The following SYNJ1 variants were observed in gnomAD, a reference collection of about 807,000 sequenced individuals.
SYNJ1 encodes polyphosphatidylinositol phosphatase SYNJ1.
Under a neutral mutation model 168.2 loss-of-function variants are expected in SYNJ1, and 78 were observed. The observed-to-expected ratio is 0.46, with a 90% confidence interval of 0.39 to 0.56. The LOEUF is 0.56. Among genes scored for constraint, SYNJ1 ranks in the 20% least tolerant of loss-of-function variants. The pLI, the probability that SYNJ1 is intolerant of heterozygous loss-of-function variation, is 0.00. For missense variants in SYNJ1, 1,303 were observed against 1,597.6 expected (o/e 0.82, Z 3.14); for synonymous variants, 539 against 548.6 (o/e 0.98, Z 0.24).
chr21:32,636,621 T>A (rs75216839), intron 31 of SYNJ1, among the ~76,000 whole-genome samples: 13 of 152,108 alleles, frequency 8.5e-5, no homozygotes, highest in Non-Finnish European at 1.8e-4. Context: ...AAATTTTTTT[T>A]ATTATTTTTA....
At chr21:32,651,725 AT>A (rs1193499561) in intron 22 of SYNJ1, among the ~76,000 whole-genome samples, 3 of 152,248 alleles carry the variant, frequency 2.0e-5, no homozygotes, top group Admixed American at 1.3e-4. Context: ...GACCAAAAAA[AT>A]ATTCAAAAAG....
chr21:32,709,146 T>A (rs2042723924), intron 2 of SYNJ1, among the ~76,000 whole-genome samples: 2 of 152,170 alleles, frequency 1.3e-5, no homozygotes, highest in African/African-American at 4.8e-5. Context: ...AATTCACCCA[T>A]GGATCCAACA....
chr21:32,631,131 G>T lies in SYNJ1; in HGVS notation c.*674C>A. 1 of 1,614,198 alleles carries T rather than the reference G, an allele frequency of 6.2e-7. No homozygotes were observed. The highest frequency in any genetic ancestry group is 8.5e-7 in the Non-Finnish European group (1 of 1,180,036). ...TCTTCTTGACGGCAACACACAGAAG[G>T]AGACATTTGTACCTTTATTCCAGTC... On this transcript the variant is annotated 3_prime_UTR_variant, in exon 33 of 33. Coordinates refer to ENST00000674351, the MANE Select transcript of SYNJ1 (RefSeq NM_203446.3).
chr21:32,670,447 C>G, intron 14 of SYNJ1, 75 bp from the exon 15 acceptor site: 1 of 1,093,144 alleles, frequency 9.1e-7, no homozygotes. Flanking sequence ...CACAACATAA[C>G]ACCAGGTCTC....
At chr21:32,681,386 A>G (rs575217035) in intron 11 of SYNJ1, 110 bp downstream of exon 11, 20 of 1,253,860 alleles carry the variant, frequency 1.6e-5, no homozygotes, top group South Asian at 3.5e-5. Context: ...GAATTCTAAG[A>G]CACATCTATT....
intron 11 of SYNJ1, among the ~76,000 whole-genome samples, chr21:32,679,363 G>A (rs1476377252): frequency 2.0e-5 from 3 of 152,106 alleles, no homozygotes; most frequent in Admixed American, 6.5e-5. Flanking sequence ...GTTCATAAAC[G>A]AATATTACAT....
intron 23 of SYNJ1, among the ~76,000 whole-genome samples, chr21:32,647,402 G>A (rs1295108271): frequency 6.6e-6 from 1 of 152,134 alleles, no homozygotes; most frequent in African/African-American, 2.4e-5. Flanking sequence ...TGGACAACTC[G>A]TTCAATAGCA....
chr21:32,708,290 C>T (rs1157391094), intron 2 of SYNJ1, among the ~76,000 whole-genome samples: 1 of 152,152 alleles, frequency 6.6e-6, no homozygotes, highest in African/African-American at 2.4e-5. Context: ...TCGGAAGATA[C>T]CGTGTTAGGG....
chr21:32,697,922 G>A (rs61465011), intron 4 of SYNJ1, among the ~76,000 whole-genome samples: 2,079 of 152,138 alleles, frequency 0.014, 45 homozygotes, highest in African/African-American at 0.047. Context: ...AGAAACTTTG[G>A]GTAAAAATGA....
chr21:32,711,006 A>G (rs2042809768), intron 2 of SYNJ1, among the ~76,000 whole-genome samples: 1 of 152,202 alleles, frequency 6.6e-6, no homozygotes, highest in Admixed American at 6.5e-5. Context: ...GAAATATTTA[A>G]AACTATATAA....
rs1405044026 is a variant in SYNJ1 at position 32,678,754 on chromosome 21, G to C, written c.1401C>G (p.Phe467Leu). The C allele has an allele frequency of 2.5e-6, 4 of 1,613,424 alleles. No individual in the cohort carries two copies. The South Asian group carries it at 4.4e-5, about 18-fold the overall frequency. The change falls in exon 12 of 33, where the codon TTC becomes TTG. Residue 467 changes from phenylalanine to leucine, a missense_variant. Physicochemically the swap from Phe to Leu is conservative, Grantham distance 22. Coordinates refer to ENST00000674351, the MANE Select transcript of SYNJ1 (RefSeq NM_203446.3). ...TGGCCTCTTGCTTGGAGCTGTCAAAGAAGTTATTCTGAATTGTTCGGGTAA... is the reference window on the plus strand; with the variant it reads ...TGGCCTCTTGCTTGGAGCTGTCAAACAAGTTATTCTGAATTGTTCGGGTAA... ...RSVTRTIQNN[F>L]FDSSKQEAID... is the part of the protein sequence containing the mutation.
At chr21:32,649,861 TGCCTCAGCCTCCTGAGTAGCTGG>T (rs1410922508) in intron 23 of SYNJ1, among the ~76,000 whole-genome samples, 1 of 152,178 alleles carries the variant, frequency 6.6e-6, no homozygotes, top group Non-Finnish European at 1.5e-5. Context: ...GCGATTCTCC[TGCCTCAGCCTCCTGAGTAGCTGG>T]GATTACAGGC....
chr21:32,712,955 T>C (rs1242561167), intron 2 of SYNJ1, among the ~76,000 whole-genome samples: 2 of 152,214 alleles, frequency 1.3e-5, no homozygotes, highest in Admixed American at 1.3e-4. Flanking sequence ...TGTGTACATA[T>C]ATGTACCAAA....
At chr21:32,639,567 G>T in intron 30 of SYNJ1, 104 bp downstream of exon 30, 2 of 915,706 alleles carry the variant, frequency 2.2e-6, no homozygotes, top group Non-Finnish European at 3.4e-6. Context: ...AATTTTAAGA[G>T]TTTTTAATTT....
intron 4 of SYNJ1, among the ~76,000 whole-genome samples, chr21:32,695,910 G>A (rs888155165): frequency 4.0e-5 from 6 of 151,526 alleles, no homozygotes; most frequent in Non-Finnish European, 8.8e-5. Flanking sequence ...GCAGTGGCGG[G>A]ATCTTGGCTC....
intron 6 of SYNJ1, among the ~76,000 whole-genome samples, chr21:32,691,593 A>G (rs185656093): frequency 2.6e-5 from 4 of 152,370 alleles, no homozygotes; most frequent in African/African-American, 7.2e-5. Flanking sequence ...AAAGGAAATC[A>G]TAAGTAAAAG....
chr21:32,690,026 T>A (rs932733656), intron 6 of SYNJ1, among the ~76,000 whole-genome samples: 6 of 152,222 alleles, frequency 3.9e-5, no homozygotes, highest in Non-Finnish European at 5.9e-5. Flanking sequence ...GCATTTTTGT[T>A]TACTGATTAA....
intron 12 of SYNJ1, among the ~76,000 whole-genome samples, chr21:32,677,259 A>G (rs537869169): frequency 6.6e-6 from 1 of 152,098 alleles, no homozygotes; most frequent in Non-Finnish European, 1.5e-5. Flanking sequence ...TGCTGGGTGC[A>G]CTTTTCTGCA....
At chr21:32,695,836 G>GT (rs2042188132) in intron 4 of SYNJ1, among the ~76,000 whole-genome samples, 7 of 138,304 alleles carry the variant, frequency 5.1e-5, no homozygotes, top group South Asian at 2.3e-4. Flanking sequence ...CTAATTTTTT[G>GT]TTTTGTTTTG....
Sources: gnomAD v4.1 joint callset for allele counts (sites outside exome capture counted in the v4.1 genomes callset) on GRCh38, gnomAD v4.1.1 for gene constraint, MANE v1.5 for transcripts, NCBI Gene and HGNC (gene_info 2026-07-23, HGNC 2026-07-21) for gene names.